Variants in BRD3 observed in about 807,000 individuals in gnomAD.
BRD3 encodes the protein bromodomain-containing protein 3.
Under a neutral mutation model 66.8 loss-of-function variants are expected in BRD3, and 17 were observed. That is an observed-to-expected ratio of 0.25 (90% confidence interval 0.17 to 0.38). The LOEUF (loss-of-function observed/expected upper bound fraction) is 0.38. Ranked by LOEUF, BRD3 falls within the 10% of genes least tolerant of loss-of-function variation. The pLI is 1.00. For missense variants in BRD3, 713 were observed against 956.1 expected (o/e 0.75, Z 3.35); for synonymous variants, 421 against 393.2 (o/e 1.07, Z -0.84).
At chr9:134,067,075 C>G (rs1215282174) in intron 1 of BRD3, among the ~76,000 whole-genome samples, 1 of 152,246 alleles carries the variant, frequency 6.6e-6, no homozygotes, top group East Asian at 1.9e-4. Context: ...TGTGGGTGTA[C>G]ACGGTTCGGG....
chr9:134,062,096 G>A (rs900529194), intron 1 of BRD3, among the ~76,000 whole-genome samples: 3 of 152,174 alleles, frequency 2.0e-5, no homozygotes, highest in African/African-American at 7.2e-5. Flanking sequence ...GGGAGAAGTC[G>A]GGGGTTGGGG....
In BRD3 at chr9:134,031,876, G is replaced by A. The variant is rs566927065; in HGVS notation, c.*1714C>T. 42 of 222,726 alleles carry A rather than the reference G, an allele frequency of 1.9e-4. No individual in the cohort carries two copies. The highest frequency in any genetic ancestry group is 4.0e-4 in the African/African-American group (18 of 44,782). 13.8% of individuals were successfully genotyped at this position (222,726 alleles called of 1,614,324 possible). A position where few individuals can be genotyped will look rare whatever the true frequency, so the allele number is the denominator to read the frequency against. ...TGGAGGCTCCCCCACGCTGAGGTCCGGGAGAATGCCTGGTTTCAGTCATTT... is the reference window on the plus strand; with the variant it reads ...TGGAGGCTCCCCCACGCTGAGGTCCAGGAGAATGCCTGGTTTCAGTCATTT... On this transcript the variant is annotated 3_prime_UTR_variant, in exon 12 of 12. Transcript: ENST00000303407.
intron 1 of BRD3, chr9:134,056,704 G>A (rs12342654): frequency 0.1 from 15,619 of 152,432 alleles, 984 homozygotes; most frequent in African/African-American, 0.18. Flanking sequence ...AGACCAGGAG[G>A]CGACAGTCAG....
intron 9 of BRD3, among the ~76,000 whole-genome samples, chr9:134,038,742 ATTTCAGAT>A (rs1434390994): frequency 6.6e-6 from 1 of 152,232 alleles, no homozygotes; most frequent in Non-Finnish European, 1.5e-5. Context: ...TCACTGGAGC[ATTTCAGAT>A]TTTCAGATTT....
intron 9 of BRD3, among the ~76,000 whole-genome samples, chr9:134,038,943 A>T (rs1829983832): frequency 6.6e-6 from 1 of 152,188 alleles, no homozygotes; most frequent in African/African-American, 2.4e-5. Flanking sequence ...GCCTCCAAAA[A>T]GGAGAGAGGG....
chr9:134,060,503 G>C (rs941944566), intron 1 of BRD3, among the ~76,000 whole-genome samples: 1 of 151,944 alleles, frequency 6.6e-6, no homozygotes, highest in Admixed American at 6.6e-5. Flanking sequence ...GAGGTGGGAG[G>C]ATCACTTGAG....
chr9:134,036,390 C>T (rs1829914671), intron 9 of BRD3, 66 bp from the exon 10 acceptor site: 1 of 1,571,774 alleles, frequency 6.4e-7, no homozygotes, highest in African/African-American at 1.4e-5. Context: ...GCCCACTGCA[C>T]ACACCCCTTC....
At chr9:134,056,387 G>A (rs1588296901) in intron 1 of BRD3, among the ~76,000 whole-genome samples, 5 of 152,266 alleles carry the variant, frequency 3.3e-5, no homozygotes, top group Middle Eastern at 3.4e-3. Context: ...CCCCACCCTC[G>A]GTGGTGAGGC....
At chr9:134,044,191 G>A (rs1482923967) in intron 7 of BRD3, among the ~76,000 whole-genome samples, 1 of 152,180 alleles carries the variant, frequency 6.6e-6, no homozygotes, top group African/African-American at 2.4e-5. Flanking sequence ...GATGTAGTGG[G>A]ACCTCCAGGA....
In BRD3 at chr9:134,033,472, T is replaced by C; in HGVS notation, c.*118A>G. ...CAAAAACTGGAAGATATCATAACAC[T>C]GAATTAAGAAGCAGACCTGCACACC... On this transcript the variant is annotated 3_prime_UTR_variant, in exon 12 of 12. Transcript: ENST00000303407. The surrounding 1 kb of genome is among the most constrained non-coding windows in gnomAD (Gnocchi z 5.1). 1.7e-6 allele frequency: 1 copy of C among 597,912 alleles called. No homozygotes were observed. Among genetic ancestry groups the C allele is most frequent in the Non-Finnish European group, 3.0e-6 (1 of 328,126 alleles). 37.0% of individuals were successfully genotyped at this position (597,912 alleles called of 1,614,324 possible).
Position 134,033,647 on chromosome 9 carries a change from G to T in BRD3, c.2124C>A (p.Ser708=). The T allele has an allele frequency of 1.3e-6, 1 of 770,784 alleles. No individual in the cohort carries two copies. Among genetic ancestry groups the T allele is most frequent in the Non-Finnish European group, 2.4e-6 (1 of 413,814 alleles). The allele number at this position is 770,784 out of a possible 1,614,324, so 47.7% of individuals were successfully genotyped here. The part of the protein sequence containing the change: ...GPSRLSSSSS[S]ESGSSSSSGS... ...CGCTGGAGCTGCTGCTCCCAGACTC[G>T]GAGGAGCTGCTGCTGCTGAGCCTGG... Residue 708 remains serine (S), a synonymous_variant, in exon 12 of 12, where the codon TCC becomes TCA. Coordinates refer to ENST00000303407, the MANE Select transcript of BRD3 (RefSeq NM_007371.4). The surrounding 1 kb of genome is among the most constrained non-coding windows in gnomAD (Gnocchi z 5.1).
At chr9:134,058,339 G>C (rs1335282671) in intron 1 of BRD3, 1 of 152,346 alleles carries the variant, frequency 6.6e-6, no homozygotes, top group Non-Finnish European at 1.5e-5. Context: ...GGAGGACCTT[G>C]CATCACTCCA....
chr9:134,036,355 G>A (rs1219452585), intron 9 of BRD3, 31 bp from the exon 10 acceptor site: 2 of 1,576,070 alleles, frequency 1.3e-6, no homozygotes, highest in Non-Finnish European at 1.7e-6. Context: ...ACGTGGTGTT[G>A]AGTCTCCGTC....
At chr9:134,068,448 C>T (rs1795857523), upstream of BRD3, 2 of 150,262 alleles carry the variant, frequency 1.3e-5, no homozygotes, top group African/African-American at 4.8e-5. Context: ...CGGGAGCCAC[C>T]CTCGAACCCC....
intron 5 of BRD3, among the ~76,000 whole-genome samples, chr9:134,049,998 C>T (rs1042546811): frequency 1.3e-5 from 2 of 152,164 alleles, no homozygotes; most frequent in Admixed American, 6.5e-5. Context: ...CACCTCACAA[C>T]GCACCCAGGT....
rs1309492460 is a variant in BRD3 at position 134,032,140 on chromosome 9, C to T, written c.*1450G>A. On this transcript the variant is annotated 3_prime_UTR_variant, in exon 12 of 12. Coordinates refer to ENST00000303407, the MANE Select transcript of BRD3 (RefSeq NM_007371.4). ...TTGGTGGGCCAGTTTGGGACATCCC[C>T]GTACTCAAAGACCATATGGCAGCCT... The T allele has an allele frequency of 1.8e-5, 4 of 216,588 alleles. No homozygotes were observed. The highest frequency in any genetic ancestry group is 6.9e-5 in the East Asian group (1 of 14,584). The allele number at this position is 216,588 out of a possible 1,614,324, so 13.4% of individuals were successfully genotyped here. A position where few individuals can be genotyped will look rare whatever the true frequency, so the allele number is the denominator to read the frequency against.
upstream of BRD3, chr9:134,068,313 A>C: frequency 6.9e-6 from 1 of 145,982 alleles, no homozygotes; most frequent in Non-Finnish European, 1.5e-5. Context: ...CCGGGCCCGC[A>C]CGGCTCTCCT....
At chr9:134,036,359 C>G (rs1278204310) in intron 9 of BRD3, 35 bp from the exon 10 acceptor site, 1 of 1,571,048 alleles carries the variant, frequency 6.4e-7, no homozygotes, top group South Asian at 1.2e-5. Context: ...GGTGTTGAGT[C>G]TCCGTCTACC....
At chr9:134,035,913 A>C in intron 10 of BRD3, 119 bp downstream of exon 10, 2 of 1,364,720 alleles carry the variant, frequency 1.5e-6, no homozygotes, top group Non-Finnish European at 2.0e-6. Flanking sequence ...GAAGGAGCCA[A>C]GACAGCGTGG....
Sources: allele counts gnomAD v4.1 joint callset (sites outside exome capture counted in the v4.1 genomes callset), GRCh38; gene constraint gnomAD v4.1.1; non-coding constraint Gnocchi (gnomAD v3.1); transcripts MANE v1.5; gene names NCBI Gene and HGNC (gene_info 2026-07-23, HGNC 2026-07-21).